Variants in CLEC12A observed in about 807,000 individuals in gnomAD.
CLEC12A encodes the protein C-type lectin domain family 12 member A.
A neutral mutation model predicts 26.5 loss-of-function variants in CLEC12A; 22 were observed. The ratio of observed to expected loss-of-function variants is 0.83; its 90% CI spans 0.59 to 1.19. The LOEUF is 1.19. Ranked by LOEUF, CLEC12A falls within the 50% of genes most tolerant of loss-of-function variation. The pLI is 0.00. For missense variants in CLEC12A, 353 were observed against 315.6 expected (o/e 1.12, Z -0.90); for synonymous variants, 119 against 101.9 (o/e 1.17, Z -1.01).
At chr12:9,993,735 A>C (rs888060105) in intron 4 of CLEC12A, among the ~76,000 whole-genome samples, 3 of 152,148 alleles carry the variant, frequency 2.0e-5, no homozygotes, top group Non-Finnish European at 4.4e-5. Flanking sequence ...GTAGTTTTGA[A>C]ATCAGGATTT....
intron 1 of CLEC12A, among the ~76,000 whole-genome samples, chr12:9,976,141 T>C (rs1390352561): frequency 6.6e-6 from 1 of 152,084 alleles, no homozygotes; most frequent in Admixed American, 6.5e-5. Context: ...AAATGTGAGG[T>C]CAGAAGCTCC....
At chr12:9,953,010 T>C (rs1863656453) in intron 1 of CLEC12A, 1 of 124,204 alleles carries the variant, frequency 8.1e-6, no homozygotes. Context: ...GAGGAGCCTC[T>C]CCGCCCGGCA....
chr12:9,959,189 T>G (rs112208311), intron 1 of CLEC12A, among the ~76,000 whole-genome samples: 1,972 of 151,974 alleles, frequency 0.013, 44 homozygotes, highest in African/African-American at 0.04. Flanking sequence ...GGTGGCTCAC[T>G]CCTGTGATCC....
intron 1 of CLEC12A, among the ~76,000 whole-genome samples, chr12:9,960,624 T>C (rs773159007): frequency 5.3e-5 from 8 of 152,162 alleles, no homozygotes; most frequent in African/African-American, 1.9e-4. Context: ...TCTCCATGAT[T>C]GAGGAAGTGA....
chr12:9,973,718 C>T (rs573888528), intron 1 of CLEC12A, among the ~76,000 whole-genome samples: 35 of 152,206 alleles, frequency 2.3e-4, no homozygotes, highest in African/African-American at 3.1e-4. Flanking sequence ...ATAGTATTTA[C>T]GATAAGTATG....
At chr12:10,004,238 C>A in the CLEC12A span, among the ~76,000 whole-genome samples, 2 of 152,200 alleles carry the variant, frequency 1.3e-5, no homozygotes, top group South Asian at 2.1e-4. Flanking sequence ...AAGTGTTAAC[C>A]AGCTCAGTGC....
chr12:9,986,524 G>A (rs992982723), downstream of CLEC12A, among the ~76,000 whole-genome samples: 7 of 151,302 alleles, frequency 4.6e-5, no homozygotes, highest in African/African-American at 1.7e-4. Context: ...ATAAAAGGCA[G>A]CAAGGGTTGG....
intron 1 of CLEC12A, among the ~76,000 whole-genome samples, chr12:9,953,785 A>G (rs1384766269): frequency 1.3e-5 from 2 of 152,138 alleles, no homozygotes; most frequent in Admixed American, 1.3e-4. Context: ...AAGGTGGGGA[A>G]AAGATTGAGA....
At chr12:9,967,322 T>G (rs7137254), upstream of CLEC12A, among the ~76,000 whole-genome samples, 1 of 151,680 alleles carries the variant, frequency 6.6e-6, no homozygotes, top group Non-Finnish European at 1.5e-5. Context: ...GTCAGGCACC[T>G]CAGACCGTTT....
the CLEC12A span, among the ~76,000 whole-genome samples, chr12:10,006,018 C>G: frequency 6.6e-6 from 1 of 152,176 alleles, no homozygotes; most frequent in Non-Finnish European, 1.5e-5. Context: ...GTCATGTTAA[C>G]TCAATATTTC....
upstream of CLEC12A, among the ~76,000 whole-genome samples, chr12:9,966,986 C>A (rs986858884): frequency 6.6e-6 from 1 of 151,146 alleles, no homozygotes; most frequent in Non-Finnish European, 1.5e-5. Flanking sequence ...TTAGCTCCAG[C>A]CACCTTTTTA....
At chr12:9,996,802 T>G, downstream of CLEC12A, 1 of 1,607,074 alleles carries the variant, frequency 6.2e-7, no homozygotes, top group African/African-American at 1.3e-5. Flanking sequence ...ATTTGAGGTT[T>G]CTCTTCCTTG....
chr12:9,972,042 ATG>A (rs200619603), intron 1 of CLEC12A, among the ~76,000 whole-genome samples: 7 of 95,844 alleles, frequency 7.3e-5, no homozygotes, highest in African/African-American at 2.1e-4. Flanking sequence ...ATGATTTCAT[ATG>A]TGTGTGTGTG....
intron 1 of CLEC12A, among the ~76,000 whole-genome samples, chr12:9,972,048 G>A (rs1307103991): frequency 3.0e-5 from 3 of 98,812 alleles, no homozygotes; most frequent in African/African-American, 6.4e-5. Context: ...TCATATGTGT[G>A]TGTGTGTGTG....
chr12:10,000,683 C>G (rs1173419989), downstream of CLEC12A, among the ~76,000 whole-genome samples: 1 of 152,160 alleles, frequency 6.6e-6, no homozygotes, highest in Admixed American at 6.5e-5. Flanking sequence ...TGCTTCTGTT[C>G]TCATAACTTC....
the CLEC12A span, among the ~76,000 whole-genome samples, chr12:10,004,056 T>C: frequency 6.6e-6 from 1 of 152,202 alleles, no homozygotes; most frequent in Non-Finnish European, 1.5e-5. Context: ...CATGTCTGTC[T>C]GTTTGACTGT....
At chr12:9,998,368 G>A (rs376698380), downstream of CLEC12A, 36 of 1,613,600 alleles carry the variant, frequency 2.2e-5, no homozygotes, top group African/African-American at 2.8e-4. Flanking sequence ...CCAGGAGGAG[G>A]ATGCAGAGCC....
chr12:9,992,956 A>G (rs1360441653), intron 4 of CLEC12A: 1 of 520,552 alleles, frequency 1.9e-6, no homozygotes, highest in Non-Finnish European at 3.4e-6. Context: ...CAAATGATAA[A>G]CTCACGTGAT....
chr12:9,983,165 TAGATACCCA>T (rs1864630189), intron 5 of CLEC12A, among the ~76,000 whole-genome samples: 1 of 152,110 alleles, frequency 6.6e-6, no homozygotes, highest in Non-Finnish European at 1.5e-5. Context: ...TCCCTTTGGT[TAGATACCCA>T]ATAGTGGAAT....
Sources: allele counts gnomAD v4.1 joint callset (sites outside exome capture counted in the v4.1 genomes callset), GRCh38; gene constraint gnomAD v4.1.1; transcripts MANE v1.5; gene names NCBI Gene and HGNC (gene_info 2026-07-23, HGNC 2026-07-21).